MAT1A: variants seen among roughly 807,000 people sequenced by gnomAD.
MAT1A encodes S-adenosylmethionine synthase isoform type-1.
Under a neutral mutation model 44.0 loss-of-function variants are expected in MAT1A, and 19 were observed. The ratio of observed to expected loss-of-function variants is 0.43; its 90% CI spans 0.30 to 0.63. The LOEUF is 0.63. Among genes scored for constraint, MAT1A ranks in the 30% least tolerant of loss-of-function variants. MAT1A has a pLI of 0.12. For synonymous variants in MAT1A, 205 were observed against 205.6 expected (o/e 1.00, Z 0.03); for missense variants, 397 against 531.0 (o/e 0.75, Z 2.48).
chr10:80,280,064 G>A, intron 5 of MAT1A, 109 bp downstream of exon 5: 1 of 1,307,620 alleles, frequency 7.6e-7, no homozygotes, highest in Non-Finnish European at 1.1e-6. Context: ...TTCTTTGAAT[G>A]CCCAGATTGA....
rs77492703 is a variant in MAT1A, at chr10:80,274,029, C to A, written c.1086-146G>T. On this transcript the variant is annotated intron_variant, in intron 8 of 8. Transcript: ENST00000372213. ...GCCTCCCCACCGCAGTTGCGCGCAC[C>A]CATCCTATCTGTGCCATACCCTGGT... The A allele has an allele frequency of 9.5e-4, 665 of 700,256 alleles. 7 individuals carry two copies. In the African/African-American group the frequency reaches 0.01, roughly 11 times the overall value. 43.4% of individuals were successfully genotyped at this position (700,256 alleles called of 1,614,324 possible).
At position 80,280,332 on chromosome 10, in the gene MAT1A, A is replaced by G; in HGVS notation, c.406-16T>C. The G allele has an allele frequency of 6.2e-7, 1 of 1,613,546 alleles. No homozygotes were observed. Among genetic ancestry groups the G allele is most frequent in the Non-Finnish European group, 8.5e-7 (1 of 1,179,922 alleles). On this transcript the variant is annotated splice_polypyrimidine_tract_variant and intron_variant, in intron 4 of 8. Transcript: ENST00000372213. ...ACATCAAACCCTGTGGCGAGAGAGC[A>G]GGCTGAGCGGCGCCCACCCTAGACC...
intron 5 of MAT1A, among the ~76,000 whole-genome samples, chr10:80,279,725 G>C (rs114723479): frequency 1.3e-5 from 1 of 74,394 alleles, no homozygotes; most frequent in Non-Finnish European, 2.5e-5. Flanking sequence ...TGAGAAAAAG[G>C]GTCATGATGA....
intron 8 of MAT1A, among the ~76,000 whole-genome samples, 191 bp from the exon 9 acceptor site, chr10:80,274,074 G>A (rs1404083052): frequency 6.6e-6 from 1 of 152,162 alleles, no homozygotes; most frequent in Non-Finnish European, 1.5e-5. Context: ...TAGCCCCACG[G>A]ATGCTTAGAG....
In MAT1A at chr10:80,276,534, C is replaced by T. The variant is rs780529010; in HGVS notation, c.610G>A (p.Val204Ile). 9.9e-6 allele frequency: 16 copies of T among 1,613,988 alleles called. No individual in the cohort carries two copies. The highest frequency in any genetic ancestry group is 3.3e-5 in the South Asian group (3 of 91,080). ...TCTTCGTTGTGCTGCACAGAGATGACGATGGTGTGGATGCGCACAGGGATG... is the reference window on the plus strand; with the variant it reads ...TCTTCGTTGTGCTGCACAGAGATGATGATGGTGTGGATGCGCACAGGGATG... Reference protein sequence around the residue: ...AVIPVRIHTIVISVQHNEDIT... With the variant: ...AVIPVRIHTIIISVQHNEDIT... Residue 204 changes from valine to isoleucine, a missense_variant, in exon 6 of 9, where the codon GTC (valine) becomes ATC (isoleucine). Coordinates refer to ENST00000372213, the MANE Select transcript of MAT1A (RefSeq NM_000429.3).
rs1380899334 is a variant in MAT1A at position 80,284,018 on chromosome 10, T to G, written c.190A>C (p.Met64Leu). The change falls in exon 3 of 9, where the codon ATG becomes CTG. Residue 64 changes from methionine (M) to leucine (L), a missense_variant. Transcript: ENST00000372213. The part of the protein sequence containing the change: ...VACETVCKTG[M>L]VLLCGEITSM... ...GTGATCTCACCACACAGCAGCACCA[T>G]GCCGGTCTTGCACACTGTCTCTGAA... 1 of 1,614,046 alleles carries G rather than the reference T, an allele frequency of 6.2e-7. No individual in the cohort carries two copies. The highest frequency in any genetic ancestry group is 2.2e-5 in the East Asian group (1 of 44,896).
intron 2 of MAT1A, among the ~76,000 whole-genome samples, chr10:80,284,310 T>C (rs1012807368): frequency 6.6e-6 from 1 of 152,200 alleles, no homozygotes; most frequent in African/African-American, 2.4e-5. Context: ...CCCTCATCTA[T>C]TTAATAAAGC....
intron 5 of MAT1A, among the ~76,000 whole-genome samples, chr10:80,279,494 T>G (rs2132705024): frequency 6.6e-6 from 1 of 152,010 alleles, no homozygotes; most frequent in Admixed American, 6.5e-5. Flanking sequence ...TATGAAGTGC[T>G]GGGAACTTGG....
At chr10:80,281,862 T>A (rs951820445) in intron 3 of MAT1A, among the ~76,000 whole-genome samples, 1 of 152,088 alleles carries the variant, frequency 6.6e-6, no homozygotes, top group African/African-American at 2.4e-5. Flanking sequence ...TACTTTTCCA[T>A]CTCCACTAGG....
chr10:80,276,044 G>A (rs1219155653), intron 6 of MAT1A, among the ~76,000 whole-genome samples: 1 of 152,226 alleles, frequency 6.6e-6, no homozygotes, highest in Admixed American at 6.5e-5. Context: ...ATGCTGCAGT[G>A]GGGAATGTGC....
chr10:80,280,820 G>A (rs1841557337), intron 3 of MAT1A, 28 bp from the exon 4 acceptor site: 1 of 1,543,758 alleles, frequency 6.5e-7, no homozygotes, highest in South Asian at 1.1e-5. Flanking sequence ...GAGCCTAAGT[G>A]GGGAACAGGT....
chr10:80,285,829 CTT>C (rs58596616), intron 1 of MAT1A, among the ~76,000 whole-genome samples: 12 of 142,560 alleles, frequency 8.4e-5, no homozygotes, highest in Non-Finnish European at 1.5e-4. Context: ...AAAGAAATAC[CTT>C]TTTTTTTTTT....
intron 3 of MAT1A, among the ~76,000 whole-genome samples, chr10:80,281,926 C>T (rs1194195605): frequency 2.0e-5 from 3 of 152,170 alleles, no homozygotes; most frequent in Non-Finnish European, 2.9e-5. Context: ...CCAAACCCCA[C>T]GTCCACTCTC....
In MAT1A at chr10:80,282,534, T is replaced by G. The variant is rs190610371; in HGVS notation, c.292+1382A>C. ...CACTTGAATAAGGTCTAAATGTACA[T>G]AAACAAATTGGCTTTTTTTTTGGTA... On this transcript the variant is annotated intron_variant, in intron 3 of 8. Transcript: ENST00000372213. Among the ~76,000 whole-genome samples the G allele has an allele frequency of 4.6e-5, 7 of 152,298 alleles. No individual in the cohort carries two copies. In the East Asian group the frequency reaches 1.3e-3, roughly 29 times the overall value.
intron 3 of MAT1A, among the ~76,000 whole-genome samples, chr10:80,283,660 G>A (rs114779734): frequency 0.028 from 4,247 of 152,370 alleles, 200 homozygotes; most frequent in African/African-American, 0.097. Flanking sequence ...CTTTGGCAGC[G>A]CCAAGAAGGC....
intron 8 of MAT1A, 47 bp downstream of exon 8, chr10:80,274,473 C>T (rs200065028): frequency 1.9e-6 from 3 of 1,612,782 alleles, no homozygotes; most frequent in South Asian, 2.2e-5. Context: ...AGCATCTGGG[C>T]AAGGAAGGAG....
At chr10:80,275,649 T>G (rs903740861) in intron 6 of MAT1A, among the ~76,000 whole-genome samples, 1 of 152,234 alleles carries the variant, frequency 6.6e-6, no homozygotes, top group Non-Finnish European at 1.5e-5. Context: ...AGTTCTATGT[T>G]AAATGATTTG....
rs1841636013 is a variant in MAT1A, at chr10:80,285,442, T to C, written c.169+70A>G. ...ACTGAGGAGTATGGCTCGTTTGTCTTATACCCATGATTAATTTCTCAGTCT... is the reference window on the plus strand; with the variant it reads ...ACTGAGGAGTATGGCTCGTTTGTCTCATACCCATGATTAATTTCTCAGTCT... On this transcript the variant is annotated intron_variant, in intron 2 of 8. Transcript: ENST00000372213. 4 of 1,298,352 alleles carry C rather than the reference T, an allele frequency of 3.1e-6. No homozygotes were observed. In the Admixed American group the frequency reaches 5.0e-5, roughly 16 times the overall value. The allele number at this position is 1,298,352 out of a possible 1,614,324, so 80.4% of individuals were successfully genotyped here.
At position 80,273,718 on chromosome 10, in the gene MAT1A, G is replaced by C; in HGVS notation, c.*63C>G. The C allele has an allele frequency of 8.4e-7, 1 of 1,193,848 alleles. No individual in the cohort carries two copies. Among genetic ancestry groups the C allele is most frequent in the Non-Finnish European group, 1.3e-6 (1 of 799,238 alleles). 74.0% of individuals were successfully genotyped at this position (1,193,848 alleles called of 1,614,324 possible). ...GAAGGCGATCAGCAGCCAGGCGTCT[G>C]GGGAAGAGGAGCATGGCCACCAGGT... On this transcript the variant is annotated 3_prime_UTR_variant, in exon 9 of 9. Transcript: ENST00000372213.
Sources: gnomAD v4.1 joint callset for allele counts (sites outside exome capture counted in the v4.1 genomes callset) on GRCh38, gnomAD v4.1.1 for gene constraint, MANE v1.5 for transcripts, NCBI Gene and HGNC (gene_info 2026-07-23, HGNC 2026-07-21) for gene names.